The following UBE2V2 variants were observed in gnomAD, a reference collection of about 807,000 sequenced individuals.
UBE2V2 encodes ubiquitin-conjugating enzyme E2 variant 2.
Under a neutral mutation model 17.2 loss-of-function variants are expected in UBE2V2, and 9 were observed. That is an observed-to-expected ratio of 0.52 (90% CI 0.32 to 0.91). The LOEUF (loss-of-function observed/expected upper bound fraction) is 0.91. Ranked by LOEUF, UBE2V2 falls within the 40% of genes least tolerant of loss-of-function variation. The pLI is 0.04. For missense variants in UBE2V2, 133 were observed against 182.6 expected, an observed-to-expected ratio of 0.73 and a Z score of 1.56; for synonymous variants, 61 against 57.5, an observed-to-expected ratio of 1.06 and a Z score of -0.28.
chr8:48,027,775 C>G (rs550593660), intron 1 of UBE2V2, among the ~76,000 whole-genome samples: 1 of 152,348 alleles, frequency 6.6e-6, no homozygotes, highest in Non-Finnish European at 1.5e-5. Context: ...TGTGGCATTA[C>G]AGGCGTAAGC....
intron 1 of UBE2V2, among the ~76,000 whole-genome samples, chr8:48,022,027 T>TA (rs1286300753): frequency 6.6e-6 from 1 of 152,040 alleles, no homozygotes; most frequent in Non-Finnish European, 1.5e-5. Flanking sequence ...GAAAAGATCT[T>TA]ACAGTTACAA....
chr8:48,027,765 T>G (rs2091355086), intron 1 of UBE2V2, among the ~76,000 whole-genome samples: 1 of 152,244 alleles, frequency 6.6e-6, no homozygotes, highest in African/African-American at 2.4e-5. Context: ...CTCCCAGAAT[T>G]GTGGCATTAC....
intron 1 of UBE2V2, among the ~76,000 whole-genome samples, chr8:48,022,682 G>A (rs1353067819): frequency 1.3e-5 from 2 of 152,270 alleles, no homozygotes; most frequent in Admixed American, 1.3e-4. Flanking sequence ...TTGTAAGGCA[G>A]GTCTTGTGGT....
chr8:48,047,151 A>G (rs995518595), intron 2 of UBE2V2, among the ~76,000 whole-genome samples: 30 of 151,628 alleles, frequency 2.0e-4, no homozygotes, highest in Admixed American at 1.1e-3. Flanking sequence ...ATGTTGGTCA[A>G]GCTGGTCTCG....
At chr8:48,047,739 G>A (rs1397733489) in intron 2 of UBE2V2, among the ~76,000 whole-genome samples, 1 of 151,794 alleles carries the variant, frequency 6.6e-6, no homozygotes, top group Non-Finnish European at 1.5e-5. Context: ...ATAGAGACGG[G>A]GTTTCACCAT....
At chr8:48,060,147 T>C (rs1244947638) in intron 3 of UBE2V2, among the ~76,000 whole-genome samples, 2 of 146,040 alleles carry the variant, frequency 1.4e-5, no homozygotes, top group African/African-American at 5.2e-5. Flanking sequence ...GAGGCGGAAG[T>C]TGCAGTGAGC....
At chr8:48,036,850 T>C (rs2091428429) in intron 1 of UBE2V2, among the ~76,000 whole-genome samples, 1 of 152,180 alleles carries the variant, frequency 6.6e-6, no homozygotes, top group African/African-American at 2.4e-5. Context: ...AGGGTATTTG[T>C]GGTATCCAGA....
chr8:48,043,387 A>G (rs1430781435), intron 2 of UBE2V2: 1 of 381,848 alleles, frequency 2.6e-6, no homozygotes, highest in Non-Finnish European at 4.4e-6. Flanking sequence ...TGATATGGTC[A>G]TTGCCATCAA....
chr8:48,014,740 A>G (rs114687222), intron 1 of UBE2V2, among the ~76,000 whole-genome samples: 1,575 of 151,116 alleles, frequency 0.01, 25 homozygotes, highest in African/African-American at 0.037. Flanking sequence ...AAGAATTAAA[A>G]TGTTTTATTT....
chr8:48,036,507 C>G (rs1325391878), intron 1 of UBE2V2, among the ~76,000 whole-genome samples: 1 of 151,942 alleles, frequency 6.6e-6, no homozygotes, highest in Non-Finnish European at 1.5e-5. Context: ...GATCTTGGCT[C>G]ACTGCAACCT....
chr8:48,022,534 C>G (rs2091312847), intron 1 of UBE2V2, among the ~76,000 whole-genome samples: 1 of 152,176 alleles, frequency 6.6e-6, no homozygotes, highest in Non-Finnish European at 1.5e-5. Flanking sequence ...GTAATTTACA[C>G]TCCACCATTA....
rs1735059112 is a variant in UBE2V2 at position 48,063,502 on chromosome 8, C to CT, written c.*2676dup. The CT allele has an allele frequency of 6.6e-6, 1 of 152,124 alleles. No homozygotes were observed. The highest frequency in any genetic ancestry group is 2.1e-4 in the South Asian group (1 of 4,822). 9.4% of individuals were successfully genotyped at this position (152,124 alleles called of 1,614,324 possible). A position where few individuals can be genotyped will look rare whatever the true frequency, so the allele number is the denominator to read the frequency against. On this transcript the variant is annotated 3_prime_UTR_variant, in exon 4 of 4. Transcript: ENST00000523111. ...GTTTAAAAGGCTAGCAAGTGAGACCCTTGAGGATGATCATATACTAATAAA... is the reference window on the plus strand; with the variant it reads ...GTTTAAAAGGCTAGCAAGTGAGACCCTTTGAGGATGATCATATACTAATAAA...
chr8:48,034,979 G>A (rs1337206450), intron 1 of UBE2V2: 6 of 975,948 alleles, frequency 6.1e-6, no homozygotes, highest in African/African-American at 5.3e-5. Flanking sequence ...CTCACATCCC[G>A]GTGGTGTCAG....
At chr8:48,036,907 C>G (rs1251053746) in intron 1 of UBE2V2, among the ~76,000 whole-genome samples, 2 of 151,834 alleles carry the variant, frequency 1.3e-5, no homozygotes, top group East Asian at 3.9e-4. Context: ...TGGCCAGGCG[C>G]GGTGGCTCAC....
chr8:48,022,833 CA>C (rs1045320308), intron 1 of UBE2V2, among the ~76,000 whole-genome samples: 7 of 149,822 alleles, frequency 4.7e-5, no homozygotes, highest in Non-Finnish European at 1.0e-4. Flanking sequence ...TAAAGAGAGA[CA>C]AGGTCTGTTG....
the UBE2V2 span, among the ~76,000 whole-genome samples, chr8:48,000,794 C>A: frequency 7.1e-6 from 1 of 140,720 alleles, no homozygotes; most frequent in Non-Finnish European, 1.5e-5. Flanking sequence ...TGCACTCCAG[C>A]CTGGGCAACA....
At chr8:48,018,917 C>T (rs2091286580) in intron 1 of UBE2V2, among the ~76,000 whole-genome samples, 1 of 152,054 alleles carries the variant, frequency 6.6e-6, no homozygotes, top group Non-Finnish European at 1.5e-5. Context: ...CTTTTTTTTA[C>T]AGTTTTTGAT....
Position 48,064,091 on chromosome 8 carries a change from T to C in UBE2V2, c.*3263T>C, listed in dbSNP as rs533658466. On this transcript the variant is annotated 3_prime_UTR_variant, in exon 4 of 4. Coordinates refer to ENST00000523111, the MANE Select transcript of UBE2V2 (RefSeq NM_003350.3). Reference sequence around the variant, plus strand: ...TCAACTCTTTTAATGAGCATGTGACTGTATTAGGTACATTTTGAAGAATAT... The same window carrying C: ...TCAACTCTTTTAATGAGCATGTGACCGTATTAGGTACATTTTGAAGAATAT... The C allele has an allele frequency of 1.3e-5, 2 of 152,320 alleles. No homozygotes were observed. The highest frequency in any genetic ancestry group is 4.1e-4 in the South Asian group (2 of 4,828). The allele number at this position is 152,320 out of a possible 1,614,324, so 9.4% of individuals were successfully genotyped here. A position where few individuals can be genotyped will look rare whatever the true frequency, so the allele number is the denominator to read the frequency against.
At chr8:48,005,901 T>G (rs1009421148), upstream of UBE2V2, among the ~76,000 whole-genome samples, 4 of 152,320 alleles carry the variant, frequency 2.6e-5, no homozygotes, top group Admixed American at 6.5e-5. Context: ...TCTTTGTAGA[T>G]TCTATATATT....
Sources: gnomAD v4.1 joint callset for allele counts (sites outside exome capture counted in the v4.1 genomes callset) on GRCh38, gnomAD v4.1.1 for gene constraint, MANE v1.5 for transcripts, NCBI Gene and HGNC (gene_info 2026-07-23, HGNC 2026-07-21) for gene names.